MYB: variants seen among roughly 807,000 people sequenced by gnomAD.
MYB encodes the protein MYB proto-oncogene, transcription factor.
In MYB, 28 loss-of-function variants were observed where a neutral mutation model predicts 92.9. The ratio of observed to expected loss-of-function variants is 0.30; its 90% CI spans 0.22 to 0.41. MYB has a LOEUF of 0.41. MYB is among the 10% of genes least tolerant of loss of function. The probability of loss-of-function intolerance (pLI) is 1.00; values close to 1 mark genes in which losing one functional copy is unlikely to be tolerated. For missense variants in MYB, 679 were observed against 929.3 expected (o/e 0.73, Z 3.50); for synonymous variants, 295 against 329.1 (o/e 0.90, Z 1.12).
chr6:135,193,797 G>T, intron 6 of MYB, 41 bp from the exon 7 acceptor site: 2 of 1,413,894 alleles, frequency 1.4e-6, no homozygotes, highest in Non-Finnish European at 2.0e-6. Context: ...AGCATATGTA[G>T]CCCTGAATGA....
Position 135,218,817 on chromosome 6 carries a change from C to G in MYB, c.*837C>G, listed in dbSNP as rs978431208. On this transcript the variant is annotated 3_prime_UTR_variant, in exon 16 of 16. Coordinates refer to ENST00000341911, the MANE Select transcript of MYB (RefSeq NM_001130173.2). Reference sequence around the variant, plus strand: ...TACATTTGAAAACTTGTTTGGGAGACTCTGCATTTTTTATTGTGGTTTTTT... The same window carrying G: ...TACATTTGAAAACTTGTTTGGGAGAGTCTGCATTTTTTATTGTGGTTTTTT... 9.3e-6 allele frequency: 2 copies of G among 214,370 alleles called. No homozygotes were observed. Among genetic ancestry groups the G allele is most frequent in the East Asian group, 1.3e-4 (2 of 15,126 alleles). The allele number at this position is 214,370 out of a possible 1,614,324, so 13.3% of individuals were successfully genotyped here. A position where few individuals can be genotyped will look rare whatever the true frequency, so the allele number is the denominator to read the frequency against.
intron 13 of MYB, chr6:135,200,641 T>TA: frequency 1.6e-6 from 1 of 606,548 alleles, no homozygotes; most frequent in South Asian, 1.7e-5. Context: ...ACAGAAAACA[T>TA]ACTAGAGAGT....
At chr6:135,203,940 A>C in intron 15 of MYB, 1 of 1,099,574 alleles carries the variant, frequency 9.1e-7, no homozygotes, top group Non-Finnish European at 1.1e-6. Flanking sequence ...TTCCAAATTA[A>C]TCCTGAGCCA....
chr6:135,204,483 G>T (rs763977917), intron 15 of MYB, among the ~76,000 whole-genome samples: 1 of 151,842 alleles, frequency 6.6e-6, no homozygotes, highest in Non-Finnish European at 1.5e-5. Context: ...TGTATTTTTG[G>T]ATAGAGACAA....
chr6:135,187,952 A>G (rs780864277), intron 3 of MYB, 47 bp downstream of exon 3: 16 of 1,371,668 alleles, frequency 1.2e-5, no homozygotes, highest in Non-Finnish European at 1.5e-5. Flanking sequence ...CTTCTCCCAA[A>G]GATTTCTATA....
At chr6:135,199,394 T>C in intron 11 of MYB, 1 of 262,970 alleles carries the variant, frequency 3.8e-6, no homozygotes, top group Admixed American at 5.7e-5. Flanking sequence ...TCTCTAATTG[T>C]AAGCTTCAGA....
rs1219995002 is a variant in MYB, at chr6:135,198,896, C to T, written c.1567-12C>T. On this transcript the variant is annotated splice_polypyrimidine_tract_variant and intron_variant, in intron 10 of 15. Transcript: ENST00000341911. Reference sequence around the variant, plus strand: ...TCTAATCTAAGTATTTTTTCTTTCTCTCCATATTTAGTTCTTAAACACTTC... The same window carrying T: ...TCTAATCTAAGTATTTTTTCTTTCTTTCCATATTTAGTTCTTAAACACTTC... The T allele has an allele frequency of 5.7e-6, 9 of 1,583,130 alleles. No homozygotes were observed. The African/African-American group carries it at 8.2e-5, about 14-fold the overall frequency.
Sources: gnomAD v4.1 joint callset for allele counts (sites outside exome capture counted in the v4.1 genomes callset) on GRCh38, gnomAD v4.1.1 for gene constraint, MANE v1.5 for transcripts, NCBI Gene and HGNC (gene_info 2026-07-23, HGNC 2026-07-21) for gene names.